The following FGF12 variants were observed in gnomAD, a reference collection of about 807,000 sequenced individuals.
FGF12 encodes fibroblast growth factor 12B.
A neutral mutation model predicts 23.6 loss-of-function variants in FGF12; 14 were observed. The ratio of observed to expected loss-of-function variants is 0.59; its 90% CI spans 0.39 to 0.93. The LOEUF (loss-of-function observed/expected upper bound fraction) is 0.93. FGF12 is among the 40% of genes least tolerant of loss of function. The pLI is 0.00. For missense variants in FGF12, 175 were observed against 217.8 expected (o/e 0.80, Z 1.24); for synonymous variants, 62 against 77.3 (o/e 0.80, Z 1.04).
chr3:192,290,699 C>T (rs761455589), intron 4 of FGF12, among the ~76,000 whole-genome samples: 40 of 152,148 alleles, frequency 2.6e-4, no homozygotes, highest in Non-Finnish European at 5.6e-4. Flanking sequence ...CTTATTTCTT[C>T]ATGTAACTAG....
chr3:192,484,485 G>A (rs1723573649), intron 2 of FGF12, among the ~76,000 whole-genome samples: 1 of 152,068 alleles, frequency 6.6e-6, no homozygotes, highest in African/African-American at 2.4e-5. Flanking sequence ...AATACAGCCT[G>A]TTGTTCTACC....
Position 192,436,747 on chromosome 3 carries a change from T to C in FGF12, c.14-76209A>G, listed in dbSNP as rs757049188. Among the ~76,000 whole-genome samples, 61 of 152,198 alleles carry C rather than the reference T, an allele frequency of 4.0e-4. 1 individual carries two copies. The highest frequency in any genetic ancestry group is 9.7e-5 in the African/African-American group (4 of 41,450). ...GATCAACAATTTCTTGCCCTGTAGA[T>C]TGAAATTCTAGGTGAAGTTATGCTT... On this transcript the variant is annotated intron_variant, in intron 2 of 5. Coordinates refer to ENST00000445105, the MANE Select transcript of FGF12 (RefSeq NM_004113.6).
chr3:192,619,616 T>G (rs1024008471), intron 2 of FGF12, among the ~76,000 whole-genome samples: 1 of 152,190 alleles, frequency 6.6e-6, no homozygotes, highest in Non-Finnish European at 1.5e-5. Context: ...CTTGCTCAGG[T>G]ATGAGATTTT....
intron 2 of FGF12, among the ~76,000 whole-genome samples, chr3:192,615,574 T>G (rs1714725595): frequency 6.6e-6 from 1 of 152,040 alleles, no homozygotes; most frequent in South Asian, 2.1e-4. Context: ...TTAAAACATA[T>G]GTATGACATG....
At chr3:192,202,275 G>A (rs995189965) in intron 4 of FGF12, among the ~76,000 whole-genome samples, 7 of 152,150 alleles carry the variant, frequency 4.6e-5, no homozygotes, top group African/African-American at 9.7e-5. Context: ...AGATTGGCCC[G>A]GTAGCTCTAA....
intron 2 of FGF12, among the ~76,000 whole-genome samples, chr3:192,604,836 A>T (rs4508721): frequency 0.15 from 22,947 of 152,188 alleles, 1,762 homozygotes; most frequent in Middle Eastern, 0.19. Context: ...CTAAAACAGC[A>T]TAGTATGGGT....
intron 2 of FGF12, among the ~76,000 whole-genome samples, chr3:192,424,948 T>C (rs1486046713): frequency 6.6e-6 from 1 of 152,200 alleles, no homozygotes; most frequent in Non-Finnish European, 1.5e-5. Flanking sequence ...ACATACAAGA[T>C]GCATACAAGG....
Position 192,638,468 on chromosome 3 carries a change from G to C in FGF12, c.13+88713C>G, listed in dbSNP as rs535187738. 5.4e-4 allele frequency among the ~76,000 whole-genome samples: 82 copies of C among 152,268 alleles called. 1 individual carries two copies. Among genetic ancestry groups the C allele is most frequent in the Admixed American group, 1.2e-3 (19 of 15,284 alleles). ...GTACCTAATGACTCTGCGGGGAAGA[G>C]GGAAAGATTTCATTAAAATGTTACC... On this transcript the variant is annotated intron_variant, in intron 2 of 5. Transcript: ENST00000445105.
At chr3:192,687,179 A>AT (rs981686157) in intron 2 of FGF12, among the ~76,000 whole-genome samples, 1 of 151,560 alleles carries the variant, frequency 6.6e-6, no homozygotes, top group African/African-American at 2.4e-5. Context: ...AAAAAAAAAA[A>AT]AGAATCTCTA....
At chr3:192,212,397 A>T (rs1717976674) in intron 4 of FGF12, among the ~76,000 whole-genome samples, 1 of 151,970 alleles carries the variant, frequency 6.6e-6, no homozygotes, top group African/African-American at 2.4e-5. Flanking sequence ...AGTTAGTTTC[A>T]GGAAAAAAAA....
intron 4 of FGF12, among the ~76,000 whole-genome samples, chr3:192,306,690 G>A (rs1302088452): frequency 1.3e-5 from 2 of 152,138 alleles, no homozygotes; most frequent in Non-Finnish European, 2.9e-5. Context: ...CCAGAGAGTC[G>A]ACAATGGTTT....
At chr3:192,328,030 C>T (rs776194894) in intron 4 of FGF12, among the ~76,000 whole-genome samples, 9 of 152,152 alleles carry the variant, frequency 5.9e-5, no homozygotes, top group African/African-American at 1.2e-4. Flanking sequence ...GATATTACAC[C>T]CATAAATTTC....
chr3:192,175,291 T>G (rs1469263310), intron 4 of FGF12, among the ~76,000 whole-genome samples: 2 of 152,196 alleles, frequency 1.3e-5, no homozygotes, highest in Admixed American at 1.3e-4. Flanking sequence ...ATGATTTTGT[T>G]TCTTTCGTAA....
chr3:192,251,436 C>A (rs1187811226), intron 4 of FGF12, among the ~76,000 whole-genome samples: 1 of 152,146 alleles, frequency 6.6e-6, no homozygotes, highest in Non-Finnish European at 1.5e-5. Flanking sequence ...TTGACACTAT[C>A]TACTAAAGCT....
Position 192,664,603 on chromosome 3 carries a change from TA to T in FGF12, c.13+62577del, listed in dbSNP as rs1410143513. On this transcript the variant is annotated intron_variant, in intron 2 of 5. Coordinates refer to ENST00000445105, the MANE Select transcript of FGF12 (RefSeq NM_004113.6). ...GTCTCTACTAAAAATACAAAAAAAATACAAAAAAAAAAAAAAGCTGGGCATG... is the reference window on the plus strand; with the variant it reads ...GTCTCTACTAAAAATACAAAAAAAATCAAAAAAAAAAAAAAGCTGGGCATG... 1.3e-4 allele frequency among the ~76,000 whole-genome samples: 15 copies of T among 112,832 alleles called. 1 individual carries two copies. Among genetic ancestry groups the T allele is most frequent in the African/African-American group, 5.2e-4 (15 of 28,606 alleles). 74.0% of individuals were successfully genotyped at this position (112,832 alleles called of 152,430 possible).
intron 2 of FGF12, among the ~76,000 whole-genome samples, chr3:192,652,086 C>T (rs1716232609): frequency 6.6e-6 from 1 of 152,234 alleles, no homozygotes; most frequent in African/African-American, 2.4e-5. Flanking sequence ...TCAAACCTCA[C>T]ACGATCCCTG....
rs1333002813 is a variant in FGF12 at position 192,167,753 on chromosome 3, ATATATATATATATATAAAATTTTTT to A, written c.427+2680_427+2704del. ...TAGGTATATATATATATATATATATATATATATATATATATAAAATTTTTTTTTTTTTTTTTTTTTGAGAAAGAAT... is the reference window on the plus strand; with the variant it reads ...TAGGTATATATATATATATATATATATTTTTTTTTTTTTTTGAGAAAGAAT... On this transcript the variant is annotated intron_variant, in intron 5 of 5. Coordinates refer to ENST00000445105, the MANE Select transcript of FGF12 (RefSeq NM_004113.6). Among the ~76,000 whole-genome samples the A allele has an allele frequency of 1.2e-3, 32 of 27,560 alleles. 4 individuals carry two copies. The highest frequency in any genetic ancestry group is 9.2e-3 in the Admixed American group (22 of 2,400). The allele number at this position is 27,560 out of a possible 152,430, so 18.1% of individuals were successfully genotyped here. A position where few individuals can be genotyped will look rare whatever the true frequency, so the allele number is the denominator to read the frequency against.
At chr3:192,686,731 T>C (rs865944457) in intron 2 of FGF12, among the ~76,000 whole-genome samples, 5 of 150,626 alleles carry the variant, frequency 3.3e-5, no homozygotes, top group Middle Eastern at 3.4e-3. Flanking sequence ...TTCTTAAGAA[T>C]ATCTATATGT....
intron 2 of FGF12, among the ~76,000 whole-genome samples, chr3:192,581,287 C>T (rs893277683): frequency 6.6e-5 from 10 of 151,722 alleles, no homozygotes; most frequent in African/African-American, 9.7e-5. Flanking sequence ...TTAATACAGC[C>T]GGGCATAGTG....
Sources: allele counts gnomAD v4.1 joint callset (sites outside exome capture counted in the v4.1 genomes callset), GRCh38; gene constraint gnomAD v4.1.1; transcripts MANE v1.5; gene names NCBI Gene and HGNC (gene_info 2026-07-23, HGNC 2026-07-21).